The following RADX variants were observed in gnomAD, a reference collection of about 807,000 sequenced individuals.
RADX encodes the protein RPA-related protein RADX.
In RADX, 36 loss-of-function variants were observed where a neutral mutation model predicts 61.6. The ratio of observed to expected loss-of-function variants is 0.58; its 90% CI spans 0.45 to 0.77. The LOEUF (loss-of-function observed/expected upper bound fraction) is 0.77. RADX is among the 30% of genes least tolerant of loss of function. The pLI is 0.00. For synonymous variants in RADX, 272 were observed against 237.9 expected, an observed-to-expected ratio of 1.14 and a Z score of -1.32; for missense variants, 497 against 651.1, an observed-to-expected ratio of 0.76 and a Z score of 2.58.
chrX:106,619,635 T>C (rs775458855), intron 1 of RADX, among the ~76,000 whole-genome samples: 2 of 111,914 alleles, frequency 1.8e-5, no homozygotes, highest in South Asian at 7.4e-4. Flanking sequence ...CTAGTTTGGT[T>C]TTCTTTTGCT....
chrX:106,637,576 A>T lies in RADX; in HGVS notation c.1409-184A>T, dbSNP rs746506686. Among the ~76,000 whole-genome samples the T allele has an allele frequency of 2.4e-3, 265 of 111,839 alleles. 2 individuals are homozygous for T. The highest frequency in any genetic ancestry group is 8.4e-3 in the African/African-American group (258 of 30,763). Reference sequence around the variant, plus strand: ...ACACAGTGTGTCTGATTTTCTTCTTAGGATTTATTTACTGTCTTTGGATAA... The same window carrying T: ...ACACAGTGTGTCTGATTTTCTTCTTTGGATTTATTTACTGTCTTTGGATAA... On this transcript the variant is annotated intron_variant, in intron 7 of 13. Coordinates refer to ENST00000372548, the MANE Select transcript of RADX (RefSeq NM_018015.6).
chrX:106,672,349 G>GA (rs746710500), intron 13 of RADX, among the ~76,000 whole-genome samples: 118 of 111,594 alleles, frequency 1.1e-3, no homozygotes, highest in African/African-American at 3.4e-3. Context: ...TCTGTCTCTA[G>GA]AAATTTGCCT....
In RADX at chrX:106,640,725, A is replaced by G; in HGVS notation, c.1904+4A>G. 3.5e-6 allele frequency: 4 copies of G among 1,149,852 alleles called. No homozygotes were observed. The highest frequency in any genetic ancestry group is 4.7e-6 in the Non-Finnish European group (4 of 853,580). The allele number at this position is 1,149,852 out of a possible 1,213,427, so 94.8% of individuals were successfully genotyped here. On this transcript the variant is annotated splice_donor_region_variant and intron_variant, in intron 10 of 13. Coordinates refer to ENST00000372548, the MANE Select transcript of RADX (RefSeq NM_018015.6). ...TTCAAGGCCCACACGCTAATCCGTA[A>G]GTCATTTGTATTAAGTATATGTAAA...
At position 106,612,339 on chromosome X, in the gene RADX, G is replaced by A; in HGVS notation, c.259G>A (p.Val87Met). 4.1e-6 allele frequency: 5 copies of A among 1,211,884 alleles called. No individual in the cohort carries two copies. Among genetic ancestry groups the A allele is most frequent in the Non-Finnish European group, 5.6e-6 (5 of 895,567 alleles). Residue 87 changes from valine (V) to methionine (M), a missense_variant, in exon 1 of 14, where the codon GTG (valine) becomes ATG (methionine). Transcript: ENST00000372548. ...GTTAGAGGATGAGCCACGCGACACG[G>A]TGCCCAAGCCTCCCCTTTATTGCTA... ...YLLEDEPRDT[V>M]PKPPLYCYDV...
chrX:106,669,964 C>A (rs1928325120), intron 13 of RADX, among the ~76,000 whole-genome samples: 1 of 111,836 alleles, frequency 8.9e-6, no homozygotes, highest in South Asian at 3.7e-4. Flanking sequence ...AAGTTTCTAG[C>A]AGTTTTCATT....
chrX:106,677,813 C>T lies in RADX; in HGVS notation c.2438-315C>T, dbSNP rs777528762. ...TACCAATAAGCTATTTATTTGGAAC[C>T]TTACAAATGACCTTGAAGATATCTG... On this transcript the variant is annotated intron_variant, in intron 13 of 13. Transcript: ENST00000372548. 2.7e-3 allele frequency among the ~76,000 whole-genome samples: 292 copies of T among 110,076 alleles called. 4 individuals carry two copies. Among genetic ancestry groups the T allele is most frequent in the African/African-American group, 9.1e-3 (277 of 30,298 alleles).
At position 106,632,635 on chromosome X, in the gene RADX, G is replaced by C; in HGVS notation, c.990G>C (p.Leu330=). ...IKLISTMEIC[L]NLRDPPTNII... is the part of the protein sequence containing the mutation. ...ATATTTATTTTTCAGAAATCTGCCT[G>C]AATCTTCGAGATCCCCCAACAAATA... Residue 330 remains leucine (L), a synonymous_variant, in exon 4 of 14, where the codon CTG becomes CTC. Transcript: ENST00000372548. 1 of 1,186,134 alleles carries C rather than the reference G, an allele frequency of 8.4e-7. No individual in the cohort carries two copies. Among genetic ancestry groups the C allele is most frequent in the Non-Finnish European group, 1.1e-6 (1 of 876,630 alleles).
rs765481590 is a variant in RADX, at chrX:106,648,364, G to A, written c.1956G>A (p.Pro652=). ...GASVQTKGIK[P]GMPSIFNRRA... is the part of the protein sequence containing the mutation. ...CTGTACAAACAAAGGGAATTAAACC[G>A]GGCATGCCAAGCATCTTCAACCGTA... The change falls in exon 11 of 14, where the codon CCG becomes CCA. Residue 652 remains proline (P), a synonymous_variant. Coordinates refer to ENST00000372548, the MANE Select transcript of RADX (RefSeq NM_018015.6). 21 of 1,189,958 alleles carry A rather than the reference G, an allele frequency of 1.8e-5. No homozygotes were observed. The highest frequency in any genetic ancestry group is 1.6e-4 in the African/African-American group (9 of 56,538).
rs373355432 is a variant in RADX, at chrX:106,662,301, A to G, written c.2265A>G (p.Ile755Met). ...GCCTTGGACATTTTGAAGTAACCAT[A>G]CTAGGTAAGTTCACTGTTCTTTTTG... is the stretch of plus-strand genomic sequence containing the variant. ...ARSLGHFEVTILGLNHEIAID... is the reference protein window; with the variant it reads ...ARSLGHFEVTMLGLNHEIAID... The change falls in exon 12 of 14, where the codon ATA becomes ATG. Residue 755 changes from isoleucine (I) to methionine (M), a missense_variant. Ile to Met is a conservative substitution (Grantham distance 10). Coordinates refer to ENST00000372548, the MANE Select transcript of RADX (RefSeq NM_018015.6). 10 of 1,186,483 alleles carry G rather than the reference A, an allele frequency of 8.4e-6. No homozygotes were observed. The Admixed American group carries it at 1.8e-4, about 22-fold the overall frequency.
At chrX:106,636,351 G>A (rs1927357971) in intron 6 of RADX, among the ~76,000 whole-genome samples, 192 bp from the exon 7 acceptor site, 1 of 111,546 alleles carries the variant, frequency 9.0e-6, no homozygotes, top group African/African-American at 3.3e-5. Flanking sequence ...ACTAATAATT[G>A]CCTAGGAGAT....
At chrX:106,641,904 A>G (rs934186083) in intron 10 of RADX, among the ~76,000 whole-genome samples, 88 of 111,588 alleles carry the variant, frequency 7.9e-4, no homozygotes, top group African/African-American at 2.9e-3. Flanking sequence ...ACATTCATAC[A>G]TTATGAATTG....
At chrX:106,669,901 A>T (rs1447970228) in intron 13 of RADX, among the ~76,000 whole-genome samples, 1 of 112,166 alleles carries the variant, frequency 8.9e-6, no homozygotes, top group African/African-American at 3.2e-5. Context: ...CTGTCCAATT[A>T]TAATTACCCC....
At chrX:106,614,579 A>T (rs190812951) in intron 1 of RADX, among the ~76,000 whole-genome samples, 1 of 111,974 alleles carries the variant, frequency 8.9e-6, no homozygotes, top group Non-Finnish European at 1.9e-5. Context: ...AATTTTGTGG[A>T]TATAGACAGA....
At chrX:106,620,198 T>A (rs1926909704) in intron 1 of RADX, among the ~76,000 whole-genome samples, 2 of 112,317 alleles carry the variant, frequency 1.8e-5, no homozygotes, top group South Asian at 7.3e-4. Flanking sequence ...AGCTAGATAC[T>A]AACAAGATTT....
At position 106,678,511 on chromosome X, in the gene RADX, A is replaced by G. The variant is rs1186602910; in HGVS notation, c.*253A>G. ...TTACCTTGCTTACCTTACTAGTATG[A>G]CTATTATCTTGACTTCTGGTAATTT... On this transcript the variant is annotated 3_prime_UTR_variant, in exon 14 of 14. Coordinates refer to ENST00000372548, the MANE Select transcript of RADX (RefSeq NM_018015.6). 4.8e-6 allele frequency: 1 copy of G among 209,044 alleles called. No individual in the cohort carries two copies. Among genetic ancestry groups the G allele is most frequent in the Non-Finnish European group, 8.7e-6 (1 of 115,448 alleles). The allele number at this position is 209,044 out of a possible 1,213,427, so 17.2% of individuals were successfully genotyped here.
At position 106,637,933 on chromosome X, in the gene RADX, G is replaced by A. The variant is rs1927400434; in HGVS notation, c.1573+9G>A. The stretch of plus-strand genomic sequence containing the variant: ...TAGTAGTTCTATTAAAGGTACTAAT[G>A]TAATTGCCAGTCCTTCTAAATATGT... On this transcript the variant is annotated intron_variant, in intron 8 of 13. Transcript: ENST00000372548. 1 of 1,161,246 alleles carries A rather than the reference G, an allele frequency of 8.6e-7. No homozygotes were observed. The highest frequency in any genetic ancestry group is 1.8e-5 in the African/African-American group (1 of 56,167).
Position 106,668,636 on chromosome X carries a change from T to A in RADX, c.2270-527T>A, listed in dbSNP as rs182900346. Among the ~76,000 whole-genome samples, 55 of 112,041 alleles carry A rather than the reference T, an allele frequency of 4.9e-4. 1 individual carries two copies. Among genetic ancestry groups the A allele is most frequent in the Non-Finnish European group, 1.0e-3 (53 of 53,151 alleles). On this transcript the variant is annotated intron_variant, in intron 12 of 13. Coordinates refer to ENST00000372548, the MANE Select transcript of RADX (RefSeq NM_018015.6). Reference sequence around the variant, plus strand: ...GTCAGGATTCACTTTAGTTCTTCCCTCTTAGCCCTTTTTCTAGCACAACCT... The same window carrying A: ...GTCAGGATTCACTTTAGTTCTTCCCACTTAGCCCTTTTTCTAGCACAACCT...
At position 106,655,753 on chromosome X, in the gene RADX, T is replaced by C. The variant is rs193126775; in HGVS notation, c.1979-6262T>C. 8.8e-3 allele frequency among the ~76,000 whole-genome samples: 986 copies of C among 111,838 alleles called. 12 individuals are homozygous for C. Among genetic ancestry groups the C allele is most frequent in the African/African-American group, 0.031 (947 of 30,734 alleles). ...ATCCAGTCTATCATTGATGGACATT[T>C]GGGTTGGTTCCAAGTCTTTGCTATT... is the stretch of plus-strand genomic sequence containing the variant. On this transcript the variant is annotated intron_variant, in intron 11 of 13. Coordinates refer to ENST00000372548, the MANE Select transcript of RADX (RefSeq NM_018015.6).
In RADX at chrX:106,639,752, C is replaced by T. The variant is rs887357119; in HGVS notation, c.1734+65C>T. 3 of 906,888 alleles carry T rather than the reference C, an allele frequency of 3.3e-6. No individual in the cohort carries two copies. The Admixed American group carries it at 9.8e-5, about 30-fold the overall frequency. The allele number at this position is 906,888 out of a possible 1,213,427, so 74.7% of individuals were successfully genotyped here. ...CTGTGATTATGATTGCAATTGGTAC[C>T]TTTTACATTTTATTCAGAACTCACG... On this transcript the variant is annotated intron_variant, in intron 9 of 13. Transcript: ENST00000372548.
Sources: allele counts gnomAD v4.1 joint callset (sites outside exome capture counted in the v4.1 genomes callset), GRCh38; gene constraint gnomAD v4.1.1; transcripts MANE v1.5; gene names NCBI Gene and HGNC (gene_info 2026-07-23, HGNC 2026-07-21).